The following SELENON variants were observed in gnomAD, a reference collection of about 807,000 sequenced individuals.
SELENON encodes selenoprotein N, also known as selenoprotein N, 1.
A neutral mutation model predicts 59.5 loss-of-function variants in SELENON; 44 were observed. The ratio of observed to expected loss-of-function variants is 0.74; its 90% confidence interval spans 0.58 to 0.95. The LOEUF (loss-of-function observed/expected upper bound fraction) is 0.95. Ranked by LOEUF, SELENON falls within the 40% of genes least tolerant of loss-of-function variation. SELENON has a pLI of 0.00. For missense variants in SELENON, 674 were observed against 721.4 expected (o/e 0.93, Z 0.75); for synonymous variants, 320 against 305.6 (o/e 1.05, Z -0.49).
intron 4 of SELENON, among the ~76,000 whole-genome samples, chr1:25,806,162 T>G (rs549702182): frequency 3.3e-5 from 5 of 152,308 alleles, no homozygotes; most frequent in African/African-American, 1.2e-4. Context: ...GCCAGGCTGG[T>G]CACTGAGGCC....
chr1:25,806,723 A>G (rs1321635135), intron 4 of SELENON, among the ~76,000 whole-genome samples: 1 of 151,962 alleles, frequency 6.6e-6, no homozygotes, highest in Non-Finnish European at 1.5e-5. Context: ...TGGCAGCCAC[A>G]TGGCAAAAGA....
Position 25,807,006 on chromosome 1 carries a change from T to C in SELENON, c.538-1574T>C, listed in dbSNP as rs557281295. Among the ~76,000 whole-genome samples the C allele has an allele frequency of 3.0e-4, 45 of 152,172 alleles. No homozygotes were observed. Among genetic ancestry groups the C allele is most frequent in the African/African-American group, 9.9e-4 (41 of 41,532 alleles). ...CCGGCTAATTTCTTTGTATTTTTAG[T>C]AGAGACGGGGTTTCACCATGTTGAC... is the stretch of plus-strand genomic sequence containing the variant. On this transcript the variant is annotated intron_variant, in intron 4 of 12. Transcript: ENST00000361547. The surrounding 1 kb of genome is among the most constrained non-coding windows in gnomAD (Gnocchi z 4.5).
chr1:25,815,363 C>T (rs2048001302), intron 12 of SELENON, among the ~76,000 whole-genome samples, 185 bp from the exon 12 acceptor site: 1 of 151,642 alleles, frequency 6.6e-6, no homozygotes, highest in African/African-American at 2.4e-5. Flanking sequence ...CCTCGTCAGA[C>T]ACAGGGTGAT....
At chr1:25,808,931 G>A (rs1488609544) in intron 5 of SELENON, 95 bp from the exon 5 acceptor site, 1 of 1,602,668 alleles carries the variant, frequency 6.2e-7, no homozygotes, top group Non-Finnish European at 8.5e-7. Context: ...TCCCCATGGG[G>A]CCCCTGGGCC....
Position 25,809,097 on chromosome 1 carries a change from A to G in SELENON, c.819A>G (p.Gly273=). 3 of 1,613,744 alleles carry G rather than the reference A, an allele frequency of 1.9e-6. No homozygotes were observed. Among genetic ancestry groups the G allele is most frequent in the Non-Finnish European group, 2.5e-6 (3 of 1,180,016 alleles). Residue 273 remains glycine (G), a synonymous_variant, in exon 6 of 13, where the codon GGA becomes GGG. Coordinates refer to ENST00000361547, the MANE Select transcript of SELENON (RefSeq NM_020451.3). ...TGAAGACCCGCTTTGCCCCTCAGGG[A>G]GCTGTGGCCTGCCTGACTGCCATCA... is the stretch of plus-strand genomic sequence containing the variant.
At position 25,811,545 on chromosome 1, in the gene SELENON, C is replaced by G. The variant is rs944987928; in HGVS notation, c.1092+10C>G. Reference sequence around the variant, plus strand: ...CGGCTACATACCCCAGGTGAGCGCACAGGAGGCTCCCATCCAGGTGGGCTC... The same window carrying G: ...CGGCTACATACCCCAGGTGAGCGCAGAGGAGGCTCCCATCCAGGTGGGCTC... On this transcript the variant is annotated intron_variant, in intron 8 of 12. Transcript: ENST00000361547. 3.1e-6 allele frequency: 5 copies of G among 1,613,636 alleles called. No individual in the cohort carries two copies. The highest frequency in any genetic ancestry group is 1.6e-4 in the Middle Eastern group (1 of 6,082).
At chr1:25,805,038 C>T in intron 3 of SELENON, 104 bp from the exon 3 acceptor site, 1 of 1,496,586 alleles carries the variant, frequency 6.7e-7, no homozygotes, top group Admixed American at 1.7e-5. Context: ...CAGCTACCCC[C>T]ACCCCCTGCC....
chr1:25,808,849 CTCTG>C, intron 5 of SELENON, 60 bp downstream of exon 4: 1 of 1,598,436 alleles, frequency 6.3e-7, no homozygotes, highest in Non-Finnish European at 8.6e-7. Context: ...GTGGCCACCC[CTCTG>C]TCTGCGCCTG....
chr1:25,805,141 G>C lies in SELENON; in HGVS notation c.404-1G>C, dbSNP rs1005071009. ...GCCTCTCCGATGTCTGTGTCTCATA[G>C]GGTCAACTCCCGCGGCCAGCTGCGA... On this transcript the variant is annotated splice_acceptor_variant, in intron 3 of 12. Coordinates refer to ENST00000361547, the MANE Select transcript of SELENON (RefSeq NM_020451.3). LOFTEE classifies it high-confidence loss of function. 1 of 1,613,262 alleles carries C rather than the reference G, an allele frequency of 6.2e-7. No homozygotes were observed. Among genetic ancestry groups the C allele is most frequent in the Non-Finnish European group, 8.5e-7 (1 of 1,179,994 alleles).
chr1:25,816,022 T>C lies in SELENON; in HGVS notation c.*304T>C. On this transcript the variant is annotated 3_prime_UTR_variant, in exon 13 of 13. Transcript: ENST00000361547. ...GGGCCTGGGTGAACTCCCTGGACCTTTCCTAGCCAGCCGCACAGTCTAGGC... is the reference window on the plus strand; with the variant it reads ...GGGCCTGGGTGAACTCCCTGGACCTCTCCTAGCCAGCCGCACAGTCTAGGC... The C allele has an allele frequency of 7.2e-6, 3 of 415,300 alleles. No homozygotes were observed. In the South Asian group the frequency reaches 7.4e-5, roughly 10 times the overall value. 25.7% of individuals were successfully genotyped at this position (415,300 alleles called of 1,614,324 possible).
Position 25,808,567 on chromosome 1 carries a change from T to C in SELENON, c.538-13T>C, listed in dbSNP as rs943683591. 1 of 1,612,526 alleles carries C rather than the reference T, an allele frequency of 6.2e-7. No individual in the cohort carries two copies. Among genetic ancestry groups the C allele is most frequent in the Non-Finnish European group, 8.5e-7 (1 of 1,179,602 alleles). The stretch of plus-strand genomic sequence containing the variant: ...TTCTCAGATTCCTGGAGCTTTGCTT[T>C]CCCCCGCCCCAGGTCTCCCGCCTCG... On this transcript the variant is annotated splice_polypyrimidine_tract_variant and intron_variant, in intron 4 of 12. Transcript: ENST00000361547.
Position 25,809,129 on chromosome 1 carries a change from TC to T in SELENON, c.852del (p.Tyr285ThrfsTer?). 6.2e-7 allele frequency: 1 copy of T among 1,613,770 alleles called. No homozygotes were observed. Among genetic ancestry groups the T allele is most frequent in the Non-Finnish European group, 8.5e-7 (1 of 1,180,014 alleles). On this transcript the variant is annotated frameshift_variant, in exon 6 of 13. Coordinates refer to ENST00000361547, the MANE Select transcript of SELENON (RefSeq NM_020451.3). LOFTEE classifies it high-confidence loss of function. ...GCCTGCCTGACTGCCATCAGCGACT[TC>T]TACTACACTGTGATGTTCCGGTGAG...
intron 3 of SELENON, among the ~76,000 whole-genome samples, 175 bp from the exon 3 acceptor site, chr1:25,804,967 T>C (rs551484743): frequency 6.6e-6 from 1 of 152,134 alleles, no homozygotes; most frequent in Non-Finnish European, 1.5e-5. Context: ...TCTGCCTCCC[T>C]GGGCTATCCT....
intron 3 of SELENON, among the ~76,000 whole-genome samples, chr1:25,803,945 C>T (rs1005686540): frequency 6.6e-6 from 1 of 152,052 alleles, no homozygotes; most frequent in Non-Finnish European, 1.5e-5. Flanking sequence ...TCAGGTGATC[C>T]GCCTGCTTCG....
intron 6 of SELENON, among the ~76,000 whole-genome samples, chr1:25,809,466 G>A (rs761795946): frequency 2.6e-5 from 4 of 152,238 alleles, no homozygotes; most frequent in Non-Finnish European, 1.5e-5. Flanking sequence ...AGCTGTGAAG[G>A]CTGGGGGAGG....
chr1:25,801,137 A>G lies in SELENON; in HGVS notation c.278A>G (p.Lys93Arg). 4 of 1,614,046 alleles carry G rather than the reference A, an allele frequency of 2.5e-6. No individual in the cohort carries two copies. Among genetic ancestry groups the G allele is most frequent in the Non-Finnish European group, 2.5e-6 (3 of 1,179,908 alleles). Residue 93 changes from lysine to arginine, a missense_variant, in exon 2 of 13, where the codon AAA becomes AGA. Coordinates refer to ENST00000361547, the MANE Select transcript of SELENON (RefSeq NM_020451.3). ...ATGTACATCAGCCCTGAGGAGTTCAAACCCATTGCTGAGAAGCTAACAGGT... is the reference window on the plus strand; with the variant it reads ...ATGTACATCAGCCCTGAGGAGTTCAGACCCATTGCTGAGAAGCTAACAGGT...
Position 25,813,897 on chromosome 1 carries a change from C to A in SELENON, c.1404C>A (p.Leu468=). 1.2e-6 allele frequency: 2 copies of A among 1,614,054 alleles called. No homozygotes were observed. The highest frequency in any genetic ancestry group is 1.1e-5 in the South Asian group (1 of 91,076). Residue 468 remains leucine (L), a synonymous_variant, in exon 11 of 13, where the codon CTC becomes CTA. Coordinates refer to ENST00000361547, the MANE Select transcript of SELENON (RefSeq NM_020451.3). ...CCTGAACAGGTTCAGGGCGGACTCT[C>A]CGGGAGACTGTCCTGGAAAGTTCGC...
Position 25,808,424 on chromosome 1 carries a change from C to T in SELENON, c.538-156C>T, listed in dbSNP as rs114688353. Among the ~76,000 whole-genome samples the T allele has an allele frequency of 0.014, 2,142 of 152,298 alleles. 57 individuals are homozygous for T. The highest frequency in any genetic ancestry group is 0.049 in the African/African-American group (2,057 of 41,556). ...CTCTCTCTGGCGGGATATTGCTAAG[C>T]TTGTGGCCATCATAAGGGCAGGAAC... On this transcript the variant is annotated intron_variant, in intron 4 of 12. Coordinates refer to ENST00000361547, the MANE Select transcript of SELENON (RefSeq NM_020451.3).
chr1:25,810,801 G>A (rs112281316), intron 7 of SELENON, among the ~76,000 whole-genome samples: 65 of 152,318 alleles, frequency 4.3e-4, no homozygotes, highest in Non-Finnish European at 8.5e-4. Flanking sequence ...GCTCACCTAG[G>A]GCTGGGCACA....
Sources: gnomAD v4.1 joint callset for allele counts (sites outside exome capture counted in the v4.1 genomes callset) on GRCh38, gnomAD v4.1.1 for gene constraint, Gnocchi (gnomAD v3.1) non-coding constraint, MANE v1.5 for transcripts, NCBI Gene and HGNC (gene_info 2026-07-23, HGNC 2026-07-21) for gene names.